SFXN5: variants seen among roughly 807,000 people sequenced by gnomAD.
The protein encoded by SFXN5 is sideroflexin-5.
In SFXN5, 43 loss-of-function variants were observed where a neutral mutation model predicts 50.2. That is an observed-to-expected ratio of 0.86 (90% confidence interval 0.67 to 1.11). The LOEUF is 1.11. Ranked by LOEUF, SFXN5 falls within the 50% of genes least tolerant of loss-of-function variation. The pLI, the probability that SFXN5 is intolerant of heterozygous loss-of-function variation, is 0.00. For synonymous variants in SFXN5, 203 were observed against 185.8 expected, an observed-to-expected ratio of 1.09 and a Z score of -0.75; for missense variants, 463 against 454.1, an observed-to-expected ratio of 1.02 and a Z score of -0.18.
intron 13 of SFXN5, among the ~76,000 whole-genome samples, chr2:72,955,290 C>T (rs1305425849): frequency 6.6e-6 from 1 of 152,218 alleles, no homozygotes; most frequent in African/African-American, 2.4e-5. Context: ...GCCCGCCGCC[C>T]GCCCGTTCAC....
intron 13 of SFXN5, among the ~76,000 whole-genome samples, chr2:72,957,413 CAGGAACTGAAGGA>C (rs1673222414): frequency 6.6e-6 from 1 of 152,226 alleles, no homozygotes; most frequent in African/African-American, 2.4e-5. Context: ...AACTCTCCCC[CAGGAACTGAAGGA>C]AGGATTGAAG....
In SFXN5 at chr2:72,961,645, G is replaced by T. The variant is rs1433814022; in HGVS notation, c.828-397C>A. Among the ~76,000 whole-genome samples the T allele has an allele frequency of 6.6e-6, 1 of 152,166 alleles. No individual in the cohort carries two copies. Among genetic ancestry groups the T allele is most frequent in the Non-Finnish European group, 1.5e-5 (1 of 68,036 alleles). On this transcript the variant is annotated intron_variant, in intron 12 of 13. Coordinates refer to ENST00000272433, the MANE Select transcript of SFXN5 (RefSeq NM_144579.3). This position sits in a 1 kb window ranked among gnomAD's most constrained non-coding sequence, Gnocchi z 4.4. The stretch of plus-strand genomic sequence containing the variant: ...ATAGGGACGTAAGATCGCTCTCGAG[G>T]GCAGCACGTAATTAAACAGCAAAGA...
In SFXN5 at chr2:72,953,424, G is replaced by A. The variant is rs900946712; in HGVS notation, c.945+7707C>T. 2.6e-5 allele frequency among the ~76,000 whole-genome samples: 4 copies of A among 152,278 alleles called. No homozygotes were observed. The highest frequency in any genetic ancestry group is 6.5e-5 in the Admixed American group (1 of 15,298). ...GCTCTGGGAGACGCTGAATGCTGCT[G>A]TAGACTCAGGAGGGATGCAATGTGC... On this transcript the variant is annotated intron_variant, in intron 13 of 13. Coordinates refer to ENST00000272433, the MANE Select transcript of SFXN5 (RefSeq NM_144579.3). The surrounding 1 kb of genome is among the most constrained non-coding windows in gnomAD (Gnocchi z 4.1).
intron 10 of SFXN5, among the ~76,000 whole-genome samples, chr2:72,983,021 C>T (rs1041680594): frequency 1.3e-5 from 2 of 152,248 alleles, no homozygotes; most frequent in East Asian, 1.9e-4. Context: ...GCCACAGGTG[C>T]ACACTGCTGC....
At chr2:72,978,071 A>AT (rs1670852734) in intron 10 of SFXN5, among the ~76,000 whole-genome samples, 1 of 150,522 alleles carries the variant, frequency 6.6e-6, no homozygotes, top group East Asian at 1.9e-4. Flanking sequence ...AAAGGTTTTA[A>AT]TTTTTTACTT....
At chr2:73,053,328 C>G (rs1681642741) in intron 2 of SFXN5, 1 of 154,384 alleles carries the variant, frequency 6.5e-6, no homozygotes, top group South Asian at 2.0e-4. Context: ...CAACACTGAT[C>G]TCAAAAGAGC....
chr2:72,946,894 G>C (rs910852826), intron 13 of SFXN5, among the ~76,000 whole-genome samples: 3 of 152,150 alleles, frequency 2.0e-5, no homozygotes, highest in African/African-American at 7.2e-5. Context: ...GCGCCACCCT[G>C]CTCCTTGGAC....
intron 3 of SFXN5, among the ~76,000 whole-genome samples, chr2:73,031,721 C>T (rs1053092263): frequency 6.6e-6 from 1 of 152,182 alleles, no homozygotes; most frequent in Non-Finnish European, 1.5e-5. Flanking sequence ...AACAAAAATT[C>T]CTAGTCATGA....
chr2:73,052,339 AGTGTGTGTGTGTGTGTATGC>A (rs1166621474), intron 2 of SFXN5, among the ~76,000 whole-genome samples: 1 of 147,066 alleles, frequency 6.8e-6, no homozygotes, highest in Non-Finnish European at 1.5e-5. Context: ...TAAGAGAGAG[AGTGTGTGTGTGTGTGTATGC>A]GTGTGTGTGT....
intron 6 of SFXN5, among the ~76,000 whole-genome samples, chr2:73,013,876 G>T (rs1675841841): frequency 6.6e-6 from 1 of 152,040 alleles, no homozygotes; most frequent in Non-Finnish European, 1.5e-5. Flanking sequence ...TCTCTCCCCA[G>T]AGGTAAACAG....
At chr2:72,963,280 G>A (rs1052329693) in intron 12 of SFXN5, among the ~76,000 whole-genome samples, 11 of 152,212 alleles carry the variant, frequency 7.2e-5, no homozygotes, top group East Asian at 1.9e-4. Flanking sequence ...CGCTACCCCC[G>A]GCAAGTGAAG....
In SFXN5 at chr2:72,961,295, G is replaced by A; in HGVS notation, c.828-47C>T. ...GCCCCATGAGACCCGAAGGTGGGGT[G>A]GGCTGGCTGCCAGCCACCATGCTGG... On this transcript the variant is annotated intron_variant, in intron 12 of 13. Coordinates refer to ENST00000272433, the MANE Select transcript of SFXN5 (RefSeq NM_144579.3). The surrounding 1 kb of genome is among the most constrained non-coding windows in gnomAD (Gnocchi z 4.4). 7.3e-7 allele frequency: 1 copy of A among 1,365,510 alleles called. No homozygotes were observed. Among genetic ancestry groups the A allele is most frequent in the Non-Finnish European group, 9.7e-7 (1 of 1,028,432 alleles). 84.6% of individuals were successfully genotyped at this position (1,365,510 alleles called of 1,614,324 possible).
chr2:72,949,432 G>C (rs1672293718), intron 13 of SFXN5, among the ~76,000 whole-genome samples: 1 of 152,180 alleles, frequency 6.6e-6, no homozygotes, highest in South Asian at 2.1e-4. Context: ...AGCCTCCTGA[G>C]TAGCTAGGAC....
chr2:73,063,135 A>C (rs955994403), intron 1 of SFXN5, among the ~76,000 whole-genome samples: 2 of 152,214 alleles, frequency 1.3e-5, no homozygotes, highest in African/African-American at 4.8e-5. Context: ...AGTGGAAAGA[A>C]GATAAAAACT....
intron 3 of SFXN5, among the ~76,000 whole-genome samples, chr2:73,035,641 A>C (rs1678878410): frequency 6.6e-6 from 1 of 152,022 alleles, no homozygotes; most frequent in South Asian, 2.1e-4. Flanking sequence ...CTGGGACTAC[A>C]GGTGCATGCC....
intron 11 of SFXN5, among the ~76,000 whole-genome samples, chr2:72,969,226 T>C (rs1318365621): frequency 3.3e-5 from 5 of 152,064 alleles, no homozygotes; most frequent in Non-Finnish European, 7.4e-5. Context: ...GCTGACTACC[T>C]CGGGGGTGGT....
chr2:73,043,103 CA>C (rs994300837), intron 2 of SFXN5, among the ~76,000 whole-genome samples: 1 of 152,080 alleles, frequency 6.6e-6, no homozygotes, highest in Admixed American at 6.6e-5. Context: ...CAAACAGCAG[CA>C]AAAAACAATA....
At chr2:72,948,465 G>A (rs1672184909) in intron 13 of SFXN5, among the ~76,000 whole-genome samples, 4 of 152,224 alleles carry the variant, frequency 2.6e-5, no homozygotes, top group Non-Finnish European at 5.9e-5. Flanking sequence ...ATTTTGTTCT[G>A]CTACCCATAA....
At chr2:73,030,911 G>A (rs2105881564) in intron 3 of SFXN5, among the ~76,000 whole-genome samples, 1 of 152,154 alleles carries the variant, frequency 6.6e-6, no homozygotes. Context: ...GGGCAACTGG[G>A]GGAGAGAAAA....
Sources: allele counts gnomAD v4.1 joint callset (sites outside exome capture counted in the v4.1 genomes callset), GRCh38; gene constraint gnomAD v4.1.1; non-coding constraint Gnocchi (gnomAD v3.1); transcripts MANE v1.5; gene names NCBI Gene and HGNC (gene_info 2026-07-23, HGNC 2026-07-21).